The following ZNF503 variants were observed in gnomAD, a reference collection of about 807,000 sequenced individuals.
ZNF503 encodes NocA-like zinc finger 2.
ZNF503 carries 15 observed loss-of-function variants against 34.4 expected under a neutral mutation model. That is an observed-to-expected ratio of 0.44 (90% confidence interval 0.29 to 0.67). The LOEUF is 0.67. ZNF503 is among the 30% of genes least tolerant of loss of function. The probability of loss-of-function intolerance (pLI) is 0.13; values close to 1 mark genes in which losing one functional copy is unlikely to be tolerated. For missense variants in ZNF503, 1,007 were observed against 926.8 expected, an observed-to-expected ratio of 1.09 and a Z score of -1.12; for synonymous variants, 580 against 456.8, an observed-to-expected ratio of 1.27 and a Z score of -3.44.
chr10:75,349,836 T>C, the ZNF503 span, among the ~76,000 whole-genome samples: 1 of 152,108 alleles, frequency 6.6e-6, no homozygotes, highest in Non-Finnish European at 1.5e-5. Flanking sequence ...AAATGAATGT[T>C]TGTTCTGTGG....
the ZNF503 span, among the ~76,000 whole-genome samples, chr10:75,324,790 T>C: frequency 4.6e-5 from 7 of 152,218 alleles, no homozygotes; most frequent in Non-Finnish European, 8.8e-5. Context: ...GGGCATTTTA[T>C]TCCCATGCTT....
the ZNF503 span, among the ~76,000 whole-genome samples, chr10:75,289,061 G>T: frequency 1.3e-5 from 2 of 152,256 alleles, no homozygotes; most frequent in East Asian, 3.9e-4. Context: ...GAAAGAGGGC[G>T]GCCCTGGAGG....
chr10:75,386,617 C>T, the ZNF503 span, among the ~76,000 whole-genome samples: 5 of 152,168 alleles, frequency 3.3e-5, no homozygotes, highest in African/African-American at 1.2e-4. Context: ...ACAAGACCTC[C>T]ACATTGGTTT....
At chr10:75,369,797 G>A in the ZNF503 span, among the ~76,000 whole-genome samples, 12 of 152,062 alleles carry the variant, frequency 7.9e-5, no homozygotes, top group South Asian at 2.1e-4. Flanking sequence ...CTTGGTGGCC[G>A]GGCTAACACC....
At chr10:75,296,503 C>CG in the ZNF503 span, 1 of 151,910 alleles carries the variant, frequency 6.6e-6, no homozygotes, top group Non-Finnish European at 1.5e-5. Flanking sequence ...CAGACACCCC[C>CG]CCTTCCTCCA....
the ZNF503 span, among the ~76,000 whole-genome samples, chr10:75,368,758 T>C: frequency 1.3e-5 from 2 of 152,170 alleles, no homozygotes; most frequent in Non-Finnish European, 2.9e-5. Context: ...CCAGGAGATA[T>C]GCATCAGATA....
At position 75,398,642 on chromosome 10, in the gene ZNF503, T is replaced by C. The variant is rs1843733889; in HGVS notation, c.*107A>G. On this transcript the variant is annotated 3_prime_UTR_variant, in exon 2 of 2. Transcript: ENST00000372524. ...CATTTCTTTCCTTTCGTGGCCCGAG[T>C]CCTCCCCACGCGCGGGTGTCAGCAG... The C allele has an allele frequency of 9.5e-7, 1 of 1,057,562 alleles. No individual in the cohort carries two copies. The highest frequency in any genetic ancestry group is 1.7e-5 in the African/African-American group (1 of 60,388). 65.5% of individuals were successfully genotyped at this position (1,057,562 alleles called of 1,614,324 possible). A position where few individuals can be genotyped will look rare whatever the true frequency, so the allele number is the denominator to read the frequency against.
At chr10:75,317,276 T>C in the ZNF503 span, among the ~76,000 whole-genome samples, 1 of 88,512 alleles carries the variant, frequency 1.1e-5, no homozygotes. Flanking sequence ...TTTTTTTTTT[T>C]TTTTTTTTTT....
chr10:75,368,310 G>A, the ZNF503 span, among the ~76,000 whole-genome samples: 2 of 152,056 alleles, frequency 1.3e-5, no homozygotes, highest in African/African-American at 2.4e-5. Context: ...TAAAAAATAA[G>A]CAGATTTTCA....
At chr10:75,351,832 C>T in the ZNF503 span, among the ~76,000 whole-genome samples, 1 of 152,150 alleles carries the variant, frequency 6.6e-6, no homozygotes, top group Non-Finnish European at 1.5e-5. Context: ...GTTCCACCAC[C>T]AACTGGCTGT....
the ZNF503 span, among the ~76,000 whole-genome samples, chr10:75,312,850 G>C: frequency 1.3e-5 from 2 of 152,196 alleles, no homozygotes; most frequent in African/African-American, 4.8e-5. Flanking sequence ...TTGAATTGTA[G>C]TAATACCCAT....
chr10:75,330,711 A>G, the ZNF503 span, among the ~76,000 whole-genome samples: 1 of 150,484 alleles, frequency 6.6e-6, no homozygotes, highest in Admixed American at 6.6e-5. Flanking sequence ...TTGATTTTTG[A>G]TTTTATTTAT....
chr10:75,333,205 G>A, the ZNF503 span, among the ~76,000 whole-genome samples: 93 of 114,386 alleles, frequency 8.1e-4, 1 homozygote, highest in Middle Eastern at 5.3e-3. Flanking sequence ...CTCACCTCCC[G>A]GACGGGGCGG....
chr10:75,372,951 G>C, the ZNF503 span, among the ~76,000 whole-genome samples: 1 of 152,164 alleles, frequency 6.6e-6, no homozygotes, highest in Non-Finnish European at 1.5e-5. Context: ...GTATCCTTGA[G>C]AGCTTCCTTC....
the ZNF503 span, among the ~76,000 whole-genome samples, chr10:75,353,016 G>A: frequency 1.3e-5 from 2 of 152,200 alleles, no homozygotes; most frequent in African/African-American, 4.8e-5. Flanking sequence ...TGTCCCGAGG[G>A]GGGGCACCTC....
chr10:75,396,847 C>A (rs111979539), downstream of ZNF503, among the ~76,000 whole-genome samples: 3 of 152,078 alleles, frequency 2.0e-5, no homozygotes, highest in Non-Finnish European at 2.9e-5. The surrounding 1 kb of genome is among the most constrained non-coding windows in gnomAD (Gnocchi z 4.4). Context: ...CCCCTCCCCC[C>A]AAAAGGGACT....
the ZNF503 span, among the ~76,000 whole-genome samples, chr10:75,344,425 C>T: frequency 6.6e-6 from 1 of 152,232 alleles, no homozygotes; most frequent in Non-Finnish European, 1.5e-5. Context: ...ACCAATAAGG[C>T]ATAAGCTGAA....
chr10:75,313,839 C>T, the ZNF503 span, among the ~76,000 whole-genome samples: 6 of 152,324 alleles, frequency 3.9e-5, 1 homozygote, highest in African/African-American at 1.4e-4. Flanking sequence ...AAGAGAGAAC[C>T]TCAGAGTCTT....
At chr10:75,343,097 C>T in the ZNF503 span, 5 of 152,220 alleles carry the variant, frequency 3.3e-5, no homozygotes, top group African/African-American at 1.2e-4. Flanking sequence ...CAAGCCTCCC[C>T]TGGACAGGTG....
Sources: gnomAD v4.1 joint callset for allele counts (sites outside exome capture counted in the v4.1 genomes callset) on GRCh38, gnomAD v4.1.1 for gene constraint, Gnocchi (gnomAD v3.1) non-coding constraint, MANE v1.5 for transcripts, NCBI Gene and HGNC (gene_info 2026-07-23, HGNC 2026-07-21) for gene names.